The following UBE3B variants were observed in gnomAD, a reference collection of about 807,000 sequenced individuals.
UBE3B encodes ubiquitin-protein ligase E3B.
UBE3B carries 80 observed loss-of-function variants against 132.3 expected under a neutral mutation model. The ratio of observed to expected loss-of-function variants is 0.60; its 90% CI spans 0.50 to 0.73. UBE3B has a LOEUF of 0.73. UBE3B is among the 30% of genes least tolerant of loss of function. The pLI, the probability that UBE3B is intolerant of heterozygous loss-of-function variation, is 0.00. For synonymous variants in UBE3B, 487 were observed against 520.4 expected, an observed-to-expected ratio of 0.94 and a Z score of 0.87; for missense variants, 1,196 against 1,362.5, an observed-to-expected ratio of 0.88 and a Z score of 1.92.
intron 8 of UBE3B, 178 bp from the exon 9 acceptor site, chr12:109,490,867 G>T (rs1877360513): frequency 9.1e-7 from 1 of 1,102,036 alleles, no homozygotes; most frequent in Admixed American, 3.2e-5. Context: ...ACCCAGGCTG[G>T]CCTCAAGGAA....
rs1592913692 is a variant in UBE3B, at chr12:109,499,808, T to G, written c.1116T>G (p.Tyr372Ter). Reference protein sequence around the residue: ...VLGWFSQSVDYGLNESMHLIT... With the variant: ...VLGWFSQSVD ...GCTGGTTCTCCCAATCTGTGGATTA[T>G]GGGTGAGTCCCAGATGCAAATCACT... Residue 372 changes from tyrosine to a stop codon, truncating the protein, a stop_gained and splice_region_variant, in exon 12 of 28, where the codon TAT (tyrosine) becomes TAG (stop). Coordinates refer to ENST00000342494, the MANE Select transcript of UBE3B (RefSeq NM_130466.4). LOFTEE classifies it high-confidence loss of function. The G allele has an allele frequency of 1.9e-6, 3 of 1,601,586 alleles. No individual in the cohort carries two copies. Among genetic ancestry groups the G allele is most frequent in the Non-Finnish European group, 2.6e-6 (3 of 1,173,146 alleles).
At chr12:109,500,588 A>G (rs1488162250) in intron 12 of UBE3B, among the ~76,000 whole-genome samples, 1 of 152,194 alleles carries the variant, frequency 6.6e-6, no homozygotes, top group African/African-American at 2.4e-5. Context: ...CAGCCTGAGG[A>G]GGATGGGGCG....
chr12:109,520,880 G>C, intron 19 of UBE3B: 1 of 325,084 alleles, frequency 3.1e-6, no homozygotes, highest in Non-Finnish European at 5.7e-6. Flanking sequence ...GACTCATTTT[G>C]TCTAACTTCC....
intron 4 of UBE3B, among the ~76,000 whole-genome samples, chr12:109,485,041 G>A (rs1876179373): frequency 6.6e-6 from 1 of 152,198 alleles, no homozygotes; most frequent in Non-Finnish European, 1.5e-5. Context: ...ACAGGCGTGA[G>A]CTACCATCAA....
chr12:109,498,895 G>A (rs1878584716), intron 11 of UBE3B, among the ~76,000 whole-genome samples: 2 of 150,992 alleles, frequency 1.3e-5, no homozygotes, highest in South Asian at 4.2e-4. Flanking sequence ...GCACAGTCAT[G>A]GCTCACTGCA....
rs757680127 is a variant in UBE3B at position 109,490,019 on chromosome 12, C to A, written c.630+15C>A. 17 of 1,611,956 alleles carry A rather than the reference C, an allele frequency of 1.1e-5. No individual in the cohort carries two copies. The highest frequency in any genetic ancestry group is 1.3e-5 in the Non-Finnish European group (15 of 1,178,326). On this transcript the variant is annotated intron_variant, in intron 8 of 27. Coordinates refer to ENST00000342494, the MANE Select transcript of UBE3B (RefSeq NM_130466.4). ...CTGTGCTGCAGGTCTGTGACTCCTGCCCCCCAGTGTGCAACTTCTCCACTC... is the reference window on the plus strand; with the variant it reads ...CTGTGCTGCAGGTCTGTGACTCCTGACCCCCAGTGTGCAACTTCTCCACTC...
chr12:109,488,537 G>A (rs541878906), intron 6 of UBE3B, 35 bp from the exon 7 acceptor site: 41 of 1,570,590 alleles, frequency 2.6e-5, no homozygotes, highest in Admixed American at 8.3e-5. Context: ...ATCAGAAGAC[G>A]TGTGTCTTAA....
chr12:109,521,601 C>G lies in UBE3B; in HGVS notation c.2364+50C>G, dbSNP rs888212130. On this transcript the variant is annotated intron_variant, in intron 21 of 27. Coordinates refer to ENST00000342494, the MANE Select transcript of UBE3B (RefSeq NM_130466.4). The surrounding 1 kb of genome is among the most constrained non-coding windows in gnomAD (Gnocchi z 4.2). Reference sequence around the variant, plus strand: ...ATGTAAAATAAAATGTTAACGGTACCATGGGCTTCTTCACATACACATATG... The same window carrying G: ...ATGTAAAATAAAATGTTAACGGTACGATGGGCTTCTTCACATACACATATG... 1 of 1,474,540 alleles carries G rather than the reference C, an allele frequency of 6.8e-7. No individual in the cohort carries two copies. Among genetic ancestry groups the G allele is most frequent in the African/African-American group, 1.4e-5 (1 of 71,066 alleles). The allele number at this position is 1,474,540 out of a possible 1,614,324, so 91.3% of individuals were successfully genotyped here. A position where few individuals can be genotyped will look rare whatever the true frequency, so the allele number is the denominator to read the frequency against.
At chr12:109,523,354 G>T (rs541350140) in intron 21 of UBE3B, among the ~76,000 whole-genome samples, 3 of 152,180 alleles carry the variant, frequency 2.0e-5, no homozygotes, top group Admixed American at 6.5e-5. Flanking sequence ...TCCCTTCCCT[G>T]CTCAGAGCCC....
chr12:109,517,003 G>T, intron 19 of UBE3B, 119 bp downstream of exon 19: 2 of 1,422,754 alleles, frequency 1.4e-6, no homozygotes, highest in South Asian at 1.5e-5. Flanking sequence ...CTGAAATTAA[G>T]GCTCTGGGAG....
At position 109,484,001 on chromosome 12, in the gene UBE3B, CAT is replaced by C; in HGVS notation, c.282+21_282+22del. 2.5e-6 allele frequency: 4 copies of C among 1,600,248 alleles called. No homozygotes were observed. The highest frequency in any genetic ancestry group is 2.7e-5 in the African/African-American group (2 of 74,496). On this transcript the variant is annotated intron_variant, in intron 4 of 27. Transcript: ENST00000342494. The stretch of plus-strand genomic sequence containing the variant: ...AATGAGGTAAAACGATAATAGCAAA[CAT>C]GTATAATACTTCCATATGTCAGATC...
At chr12:109,531,932 C>A (rs572393077) in intron 26 of UBE3B, among the ~76,000 whole-genome samples, 6 of 152,026 alleles carry the variant, frequency 3.9e-5, no homozygotes, top group Non-Finnish European at 7.4e-5. Context: ...ACCTACAGTT[C>A]CTTACCATGT....
chr12:109,543,166 C>T, the UBE3B span, among the ~76,000 whole-genome samples: 1 of 152,210 alleles, frequency 6.6e-6, no homozygotes, highest in African/African-American at 2.4e-5. Context: ...CTGTTCAGGC[C>T]TCGGGAAATA....
chr12:109,516,776 G>C lies in UBE3B; in HGVS notation c.1968G>C (p.Leu656=). The change falls in exon 19 of 28, where the codon CTG becomes CTC. Residue 656 remains leucine, a synonymous_variant. Transcript: ENST00000342494. ...TTTGTTCATTTTAGAGAGTTCTACT[G>C]TTTCGAACCATGGTTACCAAGGAGA... The part of the protein sequence containing the change: ...HVIPHKNRVL[L]FRTMVTKEKE... 1 of 1,613,944 alleles carries C rather than the reference G, an allele frequency of 6.2e-7. No individual in the cohort carries two copies. Among genetic ancestry groups the C allele is most frequent in the East Asian group, 2.2e-5 (1 of 44,854 alleles).
downstream of UBE3B, among the ~76,000 whole-genome samples, chr12:109,540,123 A>G (rs952734472): frequency 6.6e-6 from 1 of 152,076 alleles, no homozygotes; most frequent in African/African-American, 2.4e-5. Context: ...CTGCTGCCGA[A>G]GTCTTCTGCT....
At chr12:109,516,711 T>C in intron 18 of UBE3B, 54 bp from the exon 19 acceptor site, 2 of 1,593,446 alleles carry the variant, frequency 1.3e-6, no homozygotes, top group Admixed American at 3.4e-5. Flanking sequence ...AGTGTTTTTA[T>C]GGAATCGTCA....
rs113073132 is a variant in UBE3B, at chr12:109,501,543, C to T, written c.1282+9C>T. The T allele has an allele frequency of 3.0e-3, 4,858 of 1,612,258 alleles. 62 individuals are homozygous for T. The African/African-American group carries it at 0.032, about 11-fold the overall frequency. ...TGTGCTCCCAGTGAAGAGTGAGTGA[C>T]GGGAGCAGGCCCAACCCTGTAGCTC... On this transcript the variant is annotated intron_variant, in intron 13 of 27. Transcript: ENST00000342494.
At position 109,507,025 on chromosome 12, in the gene UBE3B, C is replaced by G. The variant is rs74679026; in HGVS notation, c.1451-539C>G. On this transcript the variant is annotated intron_variant, in intron 14 of 27. Transcript: ENST00000342494. ...ATGTGGACTGGAGCTGTCTGAACCT[C>G]GTCTGGTTCTGAGGGCTGCCTGATG... is the stretch of plus-strand genomic sequence containing the variant. Among the ~76,000 whole-genome samples the G allele has an allele frequency of 8.5e-3, 1,293 of 152,338 alleles. 21 individuals are homozygous for G. Among genetic ancestry groups the G allele is most frequent in the African/African-American group, 0.029 (1,222 of 41,574 alleles).
At chr12:109,546,218 C>T in the UBE3B span, among the ~76,000 whole-genome samples, 1 of 152,122 alleles carries the variant, frequency 6.6e-6, no homozygotes, top group Non-Finnish European at 1.5e-5. Flanking sequence ...GAGTTCCTGT[C>T]TCCCCTCCTG....
Sources: gnomAD v4.1 joint callset for allele counts (sites outside exome capture counted in the v4.1 genomes callset) on GRCh38, gnomAD v4.1.1 for gene constraint, Gnocchi (gnomAD v3.1) non-coding constraint, MANE v1.5 for transcripts, NCBI Gene and HGNC (gene_info 2026-07-23, HGNC 2026-07-21) for gene names.